CACNA2D3: variants seen among roughly 807,000 people sequenced by gnomAD.
The protein encoded by CACNA2D3 is calcium voltage-gated channel auxiliary subunit alpha2delta 3.
A neutral mutation model predicts 160.6 loss-of-function variants in CACNA2D3; 60 were observed. The observed-to-expected ratio is 0.37, with a 90% CI of 0.30 to 0.46. CACNA2D3 has a LOEUF of 0.46. Ranked by LOEUF, CACNA2D3 falls within the 20% of genes least tolerant of loss-of-function variation. The probability of loss-of-function intolerance (pLI) is 1.00; values close to 1 mark genes in which losing one functional copy is unlikely to be tolerated. For missense variants in CACNA2D3, 1,205 were observed against 1,365.0 expected, an observed-to-expected ratio of 0.88 and a Z score of 1.85; for synonymous variants, 558 against 492.9, an observed-to-expected ratio of 1.13 and a Z score of -1.75.
chr3:54,871,100 A>G lies in CACNA2D3; in HGVS notation c.1627-439A>G, dbSNP rs147327501. ...CACACACACACACACACACCATTCAATGGGAAGACAAATCCAACTGCTAAC... is the reference window on the plus strand; with the variant it reads ...CACACACACACACACACACCATTCAGTGGGAAGACAAATCCAACTGCTAAC... On this transcript the variant is annotated intron_variant, in intron 17 of 37. Coordinates refer to ENST00000474759, the MANE Select transcript of CACNA2D3 (RefSeq NM_018398.3). Among the ~76,000 whole-genome samples, 433 of 145,080 alleles carry G rather than the reference A, an allele frequency of 3.0e-3. 2 individuals carry two copies. The highest frequency in any genetic ancestry group is 6.8e-3 in the East Asian group (34 of 4,970).
intron 21 of CACNA2D3, 91 bp downstream of exon 21, chr3:54,880,954 T>A: frequency 9.4e-7 from 1 of 1,058,556 alleles, no homozygotes; most frequent in South Asian, 1.3e-5. Flanking sequence ...TGTTCATCTG[T>A]CCGCACCTGT....
rs375655309 is a variant in CACNA2D3, at chr3:54,142,470, G to C, written c.204+18876G>C. Among the ~76,000 whole-genome samples the C allele has an allele frequency of 2.8e-4, 43 of 152,220 alleles. 2 individuals carry two copies. In the South Asian group the frequency reaches 8.9e-3, roughly 32 times the overall value. ...GTACCTCACTTTGTTCATTATAGCT[G>C]ACCTTGATTTCTAATTACTGTTGTA... On this transcript the variant is annotated intron_variant, in intron 2 of 37. Coordinates refer to ENST00000474759, the MANE Select transcript of CACNA2D3 (RefSeq NM_018398.3).
chr3:54,503,707 G>A (rs753163243), intron 5 of CACNA2D3, 53 bp downstream of exon 5: 39 of 1,529,024 alleles, frequency 2.6e-5, no homozygotes, highest in Admixed American at 3.5e-5. Flanking sequence ...AGGGGGTTGA[G>A]AAGCAGGGGC....
intron 5 of CACNA2D3, among the ~76,000 whole-genome samples, chr3:54,552,040 G>A (rs142702534): frequency 0.011 from 1,670 of 152,316 alleles, 35 homozygotes; most frequent in African/African-American, 0.037. Context: ...CTCTTGGAAT[G>A]TGCCTAAGTT....
In CACNA2D3 at chr3:54,218,792, T is replaced by C. The variant is rs549197498; in HGVS notation, c.204+95198T>C. On this transcript the variant is annotated intron_variant, in intron 2 of 37. Transcript: ENST00000474759. ...AGGGAAAAAGATATTCCTTGCTTTT[T>C]CCAGCTTCTAGAGGCTGTCCTTGGC... Among the ~76,000 whole-genome samples, 215 of 152,326 alleles carry C rather than the reference T, an allele frequency of 1.4e-3. 1 individual carries two copies. Among genetic ancestry groups the C allele is most frequent in the Admixed American group, 2.0e-3 (30 of 15,298 alleles).
intron 29 of CACNA2D3, among the ~76,000 whole-genome samples, chr3:54,971,565 G>A (rs577082788): frequency 6.6e-6 from 1 of 152,286 alleles, no homozygotes; most frequent in Admixed American, 6.5e-5. Context: ...TACGTAGTTG[G>A]TCGATTGATT....
At chr3:54,621,056 G>A (rs1012943691) in intron 9 of CACNA2D3, among the ~76,000 whole-genome samples, 3 of 152,126 alleles carry the variant, frequency 2.0e-5, no homozygotes, top group Admixed American at 6.5e-5. Context: ...TGCAGTACTC[G>A]AATGACCCTG....
At chr3:54,126,642 G>A (rs1359700252) in intron 2 of CACNA2D3, among the ~76,000 whole-genome samples, 1 of 152,158 alleles carries the variant, frequency 6.6e-6, no homozygotes, top group African/African-American at 2.4e-5. Flanking sequence ...AAATTTGTCT[G>A]TTTTCAGTAC....
chr3:54,932,053 G>A (rs1207310428), intron 27 of CACNA2D3, among the ~76,000 whole-genome samples: 1 of 152,076 alleles, frequency 6.6e-6, no homozygotes, highest in Non-Finnish European at 1.5e-5. Context: ...GTGGTGGTGA[G>A]CGCCTATAGT....
At chr3:54,852,981 G>A (rs942573586) in intron 17 of CACNA2D3, among the ~76,000 whole-genome samples, 3 of 140,920 alleles carry the variant, frequency 2.1e-5, no homozygotes, top group Admixed American at 6.9e-5. Context: ...ATGCAATTCC[G>A]CAACTGAGGA....
chr3:54,728,441 C>A (rs369111399), intron 11 of CACNA2D3, among the ~76,000 whole-genome samples: 3 of 152,052 alleles, frequency 2.0e-5, no homozygotes, highest in African/African-American at 7.2e-5. Context: ...TATACTTTAT[C>A]TTTTCATCTG....
intron 11 of CACNA2D3, among the ~76,000 whole-genome samples, chr3:54,737,205 TGTGTGTG>T (rs2107031749): frequency 6.6e-6 from 1 of 151,720 alleles, no homozygotes; most frequent in Admixed American, 6.6e-5. Context: ...TGTGTGTGTG[TGTGTGTG>T]TGTGTGTGTA....
chr3:54,787,080 C>A (rs1240888354), intron 13 of CACNA2D3, among the ~76,000 whole-genome samples: 1 of 152,194 alleles, frequency 6.6e-6, no homozygotes, highest in Non-Finnish European at 1.5e-5. Flanking sequence ...TGTTTCAGAG[C>A]TTTTCCCTTC....
chr3:54,877,895 T>C (rs1699700495), intron 18 of CACNA2D3, among the ~76,000 whole-genome samples: 1 of 152,174 alleles, frequency 6.6e-6, no homozygotes, highest in Non-Finnish European at 1.5e-5. Flanking sequence ...TCTTAAAAGT[T>C]AGAAAGTAGA....
At chr3:54,728,977 A>G (rs940171854) in intron 11 of CACNA2D3, among the ~76,000 whole-genome samples, 1 of 152,122 alleles carries the variant, frequency 6.6e-6, no homozygotes, top group Admixed American at 6.6e-5. Flanking sequence ...CATTAGGGAG[A>G]AATTGTCTGC....
In CACNA2D3 at chr3:54,816,879, T is replaced by G. The variant is rs770779317; in HGVS notation, c.1398+9T>G. 3.1e-6 allele frequency: 5 copies of G among 1,613,858 alleles called. No homozygotes were observed. Among genetic ancestry groups the G allele is most frequent in the Non-Finnish European group, 3.4e-6 (4 of 1,179,840 alleles). On this transcript the variant is annotated intron_variant, in intron 14 of 37. Coordinates refer to ENST00000474759, the MANE Select transcript of CACNA2D3 (RefSeq NM_018398.3). ...TCCCTCAGGCACAAAAGGTAAATTC[T>G]CTTCTGTCACATTCCAGTCACCCCC... is the stretch of plus-strand genomic sequence containing the variant.
chr3:54,203,394 G>C (rs1282505434), intron 2 of CACNA2D3, among the ~76,000 whole-genome samples: 1 of 152,216 alleles, frequency 6.6e-6, no homozygotes, highest in Non-Finnish European at 1.5e-5. Context: ...AGCTCCTGAA[G>C]CCCTTGTGGG....
intron 35 of CACNA2D3, among the ~76,000 whole-genome samples, chr3:55,031,624 T>C (rs1483504958): frequency 6.6e-6 from 1 of 152,174 alleles, no homozygotes; most frequent in Non-Finnish European, 1.5e-5. Context: ...TTGGAGCATC[T>C]CTCATGATTT....
chr3:54,122,624 G>C lies in CACNA2D3; in HGVS notation c.-90G>C, dbSNP rs953774353. On this transcript the variant is annotated 5_prime_UTR_variant, in exon 1 of 38. Transcript: ENST00000474759. ...GGGGCGGCGCGGAGCGGAGCAGGCA[G>C]CCCCGCGCGCTCGCCCACCGCCCGC... The C allele has an allele frequency of 3.0e-5, 26 of 863,010 alleles. No homozygotes were observed. The highest frequency in any genetic ancestry group is 3.6e-5 in the Non-Finnish European group (26 of 724,458). 53.5% of individuals were successfully genotyped at this position (863,010 alleles called of 1,614,324 possible).
Sources: gnomAD v4.1 joint callset for allele counts (sites outside exome capture counted in the v4.1 genomes callset) on GRCh38, gnomAD v4.1.1 for gene constraint, MANE v1.5 for transcripts, NCBI Gene and HGNC (gene_info 2026-07-23, HGNC 2026-07-21) for gene names.